CACNA1E: variants seen among roughly 807,000 people sequenced by gnomAD.
The protein encoded by CACNA1E is voltage-dependent R-type calcium channel subunit alpha-1E.
In CACNA1E, 40 loss-of-function variants were observed where a neutral mutation model predicts 259.2. That is an observed-to-expected ratio of 0.15 (90% CI 0.12 to 0.20). CACNA1E has a LOEUF of 0.20. Ranked by LOEUF, CACNA1E falls within the 10% of genes least tolerant of loss-of-function variation. The pLI, the probability that CACNA1E is intolerant of heterozygous loss-of-function variation, is 1.00. For missense variants in CACNA1E, 1,874 were observed against 3,040.1 expected (o/e 0.62, Z 9.02); for synonymous variants, 1,104 against 1,138.5 (o/e 0.97, Z 0.61).
chr1:181,412,984 T>C (rs1657972363), intron 1 of CACNA1E: 1 of 152,658 alleles, frequency 6.6e-6, no homozygotes, highest in African/African-American at 2.4e-5. Flanking sequence ...AGGCCCGGGA[T>C]GTAGCACTGA....
chr1:181,677,148 A>C (rs1284454503), intron 7 of CACNA1E, among the ~76,000 whole-genome samples: 4 of 152,036 alleles, frequency 2.6e-5, no homozygotes, highest in African/African-American at 9.7e-5. Context: ...GGTTGTTCCT[A>C]TGACTGGATG....
intron 1 of CACNA1E, among the ~76,000 whole-genome samples, chr1:181,507,509 G>A (rs1665807925): frequency 6.6e-6 from 1 of 152,220 alleles, no homozygotes; most frequent in African/African-American, 2.4e-5. Flanking sequence ...GGGCAGTGGA[G>A]GAACTGCCAT....
At position 181,579,167 on chromosome 1, in the gene CACNA1E, A is replaced by G. The variant is rs1282710723; in HGVS notation, c.712A>G (p.Ile238Val). Reference sequence around the variant, plus strand: ...CTTTGCCATCCTGATGTTTGCTATCATTGGTTTGGAGTTCTACAGTGGCAA... The same window carrying G: ...CTTTGCCATCCTGATGTTTGCTATCGTTGGTTTGGAGTTCTACAGTGGCAA... Reference protein sequence around the residue: ...LFFAILMFAIIGLEFYSGKLH... With the variant: ...LFFAILMFAIVGLEFYSGKLH... The change falls in exon 5 of 48, where the codon ATT becomes GTT. Residue 238 changes from isoleucine to valine, a missense_variant. Ile to Val is a conservative substitution (Grantham distance 29). This residue lies in a region of CACNA1E where 28 missense variants were observed against 64.6 expected (regional missense o/e 0.43). Coordinates refer to ENST00000367573, the MANE Select transcript of CACNA1E (RefSeq NM_001205293.3). 8.1e-6 allele frequency: 13 copies of G among 1,613,478 alleles called. No individual in the cohort carries two copies. Among genetic ancestry groups the G allele is most frequent in the Non-Finnish European group, 1.1e-5 (13 of 1,179,678 alleles).
intron 6 of CACNA1E, among the ~76,000 whole-genome samples, chr1:181,643,458 C>T (rs1274800176): frequency 2.6e-5 from 4 of 152,198 alleles, no homozygotes; most frequent in Non-Finnish European, 2.9e-5. Flanking sequence ...TATGTGGCAC[C>T]GCTCTTTGCT....
At chr1:181,676,592 G>T (rs938121109) in intron 7 of CACNA1E, among the ~76,000 whole-genome samples, 1 of 152,116 alleles carries the variant, frequency 6.6e-6, no homozygotes, top group Non-Finnish European at 1.5e-5. Flanking sequence ...ATGAATGAGT[G>T]CTTAGTTCCA....
intron 25 of CACNA1E, among the ~76,000 whole-genome samples, chr1:181,742,292 A>G (rs186275361): frequency 6.6e-6 from 1 of 152,310 alleles, no homozygotes; most frequent in Admixed American, 6.5e-5. Flanking sequence ...AGAGTGAAAG[A>G]AGTCACTGAG....
intron 38 of CACNA1E, among the ~76,000 whole-genome samples, chr1:181,779,853 T>C (rs1572877810): frequency 9.1e-6 from 1 of 110,192 alleles, no homozygotes; most frequent in South Asian, 3.4e-4. Context: ...CACACACAGG[T>C]CCACCTTAGT....
chr1:181,358,723 C>T (rs1653637602), intron 1 of CACNA1E, among the ~76,000 whole-genome samples: 1 of 152,190 alleles, frequency 6.6e-6, no homozygotes, highest in Non-Finnish European at 1.5e-5. Flanking sequence ...TCATAATGAA[C>T]TATCATTCCC....
intron 3 of CACNA1E, among the ~76,000 whole-genome samples, chr1:181,527,549 A>T (rs760815489): frequency 1.3e-5 from 2 of 152,252 alleles, no homozygotes; most frequent in Non-Finnish European, 2.9e-5. Flanking sequence ...CTCACTTGAT[A>T]ATATTAAAGT....
At chr1:181,369,102 A>G (rs1276829389) in intron 1 of CACNA1E, among the ~76,000 whole-genome samples, 1 of 152,238 alleles carries the variant, frequency 6.6e-6, no homozygotes, top group East Asian at 1.9e-4. Context: ...AAGCGACTCC[A>G]CTAGTTCAGG....
At chr1:181,345,959 A>T (rs537797647) in intron 1 of CACNA1E, among the ~76,000 whole-genome samples, 1 of 152,332 alleles carries the variant, frequency 6.6e-6, no homozygotes, top group African/African-American at 2.4e-5. Flanking sequence ...GTCTCCTCAC[A>T]GCTCTGTCTC....
intron 7 of CACNA1E, among the ~76,000 whole-genome samples, chr1:181,694,883 G>T (rs1001385378): frequency 6.6e-6 from 1 of 151,586 alleles, no homozygotes; most frequent in Non-Finnish European, 1.5e-5. Flanking sequence ...ATATTAATAA[G>T]GAAAGGAAAG....
intron 3 of CACNA1E, among the ~76,000 whole-genome samples, chr1:181,552,805 A>G (rs1232230384): frequency 1.3e-5 from 2 of 150,490 alleles, no homozygotes; most frequent in East Asian, 4.0e-4. Context: ...TTGCAGGGAC[A>G]TGGATATTTT....
At chr1:181,396,613 G>A (rs901681481) in intron 1 of CACNA1E, among the ~76,000 whole-genome samples, 2 of 152,232 alleles carry the variant, frequency 1.3e-5, no homozygotes, top group Admixed American at 6.5e-5. Context: ...AGAAACAACA[G>A]TATGTTTGCA....
rs118043317 is a variant in CACNA1E, at chr1:181,651,453, G to A, written c.1055+12G>A. 3.2e-5 allele frequency: 51 copies of A among 1,582,968 alleles called. No individual in the cohort carries two copies. The East Asian group carries it at 6.3e-4, about 19-fold the overall frequency. ...GGAGTGCTTTCCGGGTGAGCCAGAT[G>A]TTTCTCTCTTCTTAACTCATTTGCT... On this transcript the variant is annotated intron_variant, in intron 7 of 47. Coordinates refer to ENST00000367573, the MANE Select transcript of CACNA1E (RefSeq NM_001205293.3).
intron 6 of CACNA1E, among the ~76,000 whole-genome samples, chr1:181,645,428 C>T (rs1238709236): frequency 6.6e-6 from 1 of 152,064 alleles, no homozygotes; most frequent in Non-Finnish European, 1.5e-5. Flanking sequence ...CGTTCCCCAC[C>T]CTCTTTTTTC....
intron 1 of CACNA1E, among the ~76,000 whole-genome samples, chr1:181,336,935 CT>C (rs1651756093): frequency 1.4e-5 from 2 of 146,624 alleles, no homozygotes; most frequent in African/African-American, 5.0e-5. Flanking sequence ...AATGTCATAT[CT>C]ATTACATAGA....
At chr1:181,579,296 T>G in intron 5 of CACNA1E, 72 bp downstream of exon 5, 1 of 1,268,970 alleles carries the variant, frequency 7.9e-7, no homozygotes, top group Non-Finnish European at 1.1e-6. Context: ...TCAGGGCACT[T>G]GGAGGCTCAT....
chr1:181,378,452 C>T (rs1452983284), intron 1 of CACNA1E, among the ~76,000 whole-genome samples: 3 of 152,182 alleles, frequency 2.0e-5, no homozygotes, highest in Non-Finnish European at 4.4e-5. Flanking sequence ...TTCCAGCAGA[C>T]TCCCTGAATT....
Sources: gnomAD v4.1 joint callset for allele counts (sites outside exome capture counted in the v4.1 genomes callset) on GRCh38, gnomAD v4.1.1 for gene constraint, gnomAD v4.1.1 regional missense constraint, MANE v1.5 for transcripts, NCBI Gene and HGNC (gene_info 2026-07-23, HGNC 2026-07-21) for gene names.